ASB3: variants seen among roughly 807,000 people sequenced by gnomAD.
ASB3 encodes ankyrin repeat and SOCS box protein 3.
A neutral mutation model predicts 54.5 loss-of-function variants in ASB3; 41 were observed. The observed-to-expected ratio is 0.75, with a 90% CI of 0.59 to 0.98. The LOEUF (loss-of-function observed/expected upper bound fraction) is 0.98. Ranked by LOEUF, ASB3 falls within the 50% of genes least tolerant of loss-of-function variation. ASB3 has a pLI of 0.00. For missense variants in ASB3, 733 were observed against 620.0 expected (o/e 1.18, Z -1.94); for synonymous variants, 266 against 221.2 (o/e 1.20, Z -1.80).
intron 2 of ASB3, among the ~76,000 whole-genome samples, chr2:53,762,450 A>C (rs995378600): frequency 5.3e-5 from 8 of 152,222 alleles, no homozygotes; most frequent in African/African-American, 1.9e-4. Context: ...GCTGTGCTAC[A>C]ATGATTTATT....
chr2:53,731,662 T>C (rs1671323163), intron 3 of ASB3, among the ~76,000 whole-genome samples: 1 of 152,202 alleles, frequency 6.6e-6, no homozygotes, highest in African/African-American at 2.4e-5. Context: ...GTTTCTTTTT[T>C]CCTTTTTTTG....
intron 5 of ASB3, among the ~76,000 whole-genome samples, chr2:53,725,929 C>G (rs930240870): frequency 9.9e-5 from 15 of 151,848 alleles, no homozygotes; most frequent in Non-Finnish European, 2.9e-5. Flanking sequence ...AGAAAGAAAC[C>G]TTAACTTTTT....
At chr2:53,779,167 G>T (rs1453627605) in intron 1 of ASB3, among the ~76,000 whole-genome samples, 1 of 152,068 alleles carries the variant, frequency 6.6e-6, no homozygotes, top group Non-Finnish European at 1.5e-5. Flanking sequence ...GTATCTGTTG[G>T]CCATTTGTAT....
intron 3 of ASB3, among the ~76,000 whole-genome samples, chr2:53,733,575 G>T (rs1335163123): frequency 6.6e-6 from 1 of 152,030 alleles, no homozygotes; most frequent in Non-Finnish European, 1.5e-5. Flanking sequence ...CCGAGTAGCT[G>T]GGACTACCAG....
At chr2:53,720,493 G>C (rs1239880865) in intron 5 of ASB3, among the ~76,000 whole-genome samples, 2 of 151,930 alleles carry the variant, frequency 1.3e-5, no homozygotes, top group Non-Finnish European at 2.9e-5. Context: ...AGTACAAAAG[G>C]ACAAAGAAGG....
At chr2:53,689,762 G>A (rs753605292) in intron 9 of ASB3, among the ~76,000 whole-genome samples, 6 of 152,060 alleles carry the variant, frequency 3.9e-5, no homozygotes, top group Non-Finnish European at 5.9e-5. Context: ...TAATGTTCCT[G>A]GAGTACTTAC....
At chr2:53,741,742 C>A (rs995550698) in intron 3 of ASB3, among the ~76,000 whole-genome samples, 1 of 152,100 alleles carries the variant, frequency 6.6e-6, no homozygotes, top group Non-Finnish European at 1.5e-5. Flanking sequence ...TATTGTAGCA[C>A]AATATAGGCA....
At chr2:53,784,146 T>G (rs1674805450) in intron 1 of ASB3, among the ~76,000 whole-genome samples, 1 of 152,254 alleles carries the variant, frequency 6.6e-6, no homozygotes, top group Non-Finnish European at 1.5e-5. Flanking sequence ...AATAGTTTTA[T>G]AGCGAATGAT....
rs1405379205 is a variant in ASB3, at chr2:53,778,858, A to G, written c.-14+7963T>C. Reference sequence around the variant, plus strand: ...TGCTGCAATGAACATGGGAGTGCAGATATCTCTTCAACATACTGATTTCCA... The same window carrying G: ...TGCTGCAATGAACATGGGAGTGCAGGTATCTCTTCAACATACTGATTTCCA... On this transcript the variant is annotated intron_variant, in intron 1 of 9. Transcript: ENST00000263634. Among the ~76,000 whole-genome samples the G allele has an allele frequency of 8.5e-5, 13 of 152,324 alleles. No homozygotes were observed. The East Asian group carries it at 1.7e-3, about 20-fold the overall frequency.
At chr2:53,764,778 G>A (rs1362224087) in intron 2 of ASB3, among the ~76,000 whole-genome samples, 3 of 152,332 alleles carry the variant, frequency 2.0e-5, no homozygotes, top group African/African-American at 7.2e-5. Context: ...GAGATGTGCA[G>A]TAGCACACCA....
intron 9 of ASB3, among the ~76,000 whole-genome samples, chr2:53,687,597 C>A (rs1465935476): frequency 6.6e-6 from 1 of 152,166 alleles, no homozygotes; most frequent in East Asian, 1.9e-4. Flanking sequence ...TCATGGCCCC[C>A]ATGATAGACA....
intron 1 of ASB3, among the ~76,000 whole-genome samples, chr2:53,780,151 A>C (rs938160591): frequency 2.6e-5 from 4 of 152,224 alleles, no homozygotes; most frequent in African/African-American, 9.6e-5. Flanking sequence ...TGAGGTCAGT[A>C]ATCAAAATGT....
chr2:53,756,546 T>C (rs1002741437), intron 2 of ASB3, among the ~76,000 whole-genome samples: 4 of 152,168 alleles, frequency 2.6e-5, no homozygotes, highest in Non-Finnish European at 5.9e-5. Context: ...GACATTACCA[T>C]TTGAATCAGC....
At chr2:53,743,121 A>G (rs897621718) in intron 3 of ASB3, among the ~76,000 whole-genome samples, 1 of 151,996 alleles carries the variant, frequency 6.6e-6, no homozygotes, top group Admixed American at 6.6e-5. Context: ...ACTGCTGTTC[A>G]AGTTTGAATC....
chr2:53,747,543 G>C (rs1400891453), intron 3 of ASB3, among the ~76,000 whole-genome samples: 1 of 152,136 alleles, frequency 6.6e-6, no homozygotes, highest in Non-Finnish European at 1.5e-5. Flanking sequence ...TGAAAGAACA[G>C]TACAGTCAAA....
At chr2:53,774,150 A>T in intron 1 of ASB3, 2 of 1,604,310 alleles carry the variant, frequency 1.2e-6, no homozygotes, top group South Asian at 1.1e-5. Flanking sequence ...AGGGATGTGT[A>T]TGGGGTGTTG....
At chr2:53,677,890 T>A (rs924225148) in intron 9 of ASB3, among the ~76,000 whole-genome samples, 23 of 152,226 alleles carry the variant, frequency 1.5e-4, no homozygotes, top group African/African-American at 4.3e-4. Context: ...AGGCTCACTG[T>A]TAAAGTAAAG....
At position 53,786,818 on chromosome 2, in the gene ASB3, G is replaced by C. The variant is rs1457483282; in HGVS notation, c.-14+3C>G. On this transcript the variant is annotated splice_donor_region_variant and intron_variant, in intron 1 of 9. Transcript: ENST00000263634. Reference sequence around the variant, plus strand: ...GCGGCTGCCGCCTCCGAGACTCACCGACCTGCCGTGCTGCCACTTCTACAC... The same window carrying C: ...GCGGCTGCCGCCTCCGAGACTCACCCACCTGCCGTGCTGCCACTTCTACAC... The C allele has an allele frequency of 5.3e-6, 1 of 188,404 alleles. No individual in the cohort carries two copies. The highest frequency in any genetic ancestry group is 1.1e-5 in the Non-Finnish European group (1 of 91,658). The allele number at this position is 188,404 out of a possible 1,614,324, so 11.7% of individuals were successfully genotyped here.
rs1363800651 is a variant in ASB3 at position 53,670,352 on chromosome 2, C to A, written c.*151G>T. The A allele has an allele frequency of 2.4e-5, 9 of 380,316 alleles. No individual in the cohort carries two copies. The highest frequency in any genetic ancestry group is 6.8e-5 in the East Asian group (1 of 14,624). The allele number at this position is 380,316 out of a possible 1,614,324, so 23.6% of individuals were successfully genotyped here. ...GGCTAGTTGTAAACATAAACATTCT[C>A]ACTGAACTACTGGCCCCCCAAAACC... On this transcript the variant is annotated 3_prime_UTR_variant, in exon 10 of 10. Transcript: ENST00000263634.
Sources: allele counts gnomAD v4.1 joint callset (sites outside exome capture counted in the v4.1 genomes callset), GRCh38; gene constraint gnomAD v4.1.1; transcripts MANE v1.5; gene names NCBI Gene and HGNC (gene_info 2026-07-23, HGNC 2026-07-21).